CYP2C19: variants seen among roughly 807,000 people sequenced by gnomAD.
The protein encoded by CYP2C19 is cytochrome P450 family 2 subfamily C member 19.
A neutral mutation model predicts 40.9 loss-of-function variants in CYP2C19; 59 were observed. The observed-to-expected ratio is 1.44, with a 90% CI of 1.17 to 1.79. The LOEUF is 1.79. CYP2C19 is among the 40% of genes most tolerant of loss of function. The pLI is 0.00. For missense variants in CYP2C19, 754 were observed against 596.9 expected (o/e 1.26, Z -2.74); for synonymous variants, 253 against 208.7 (o/e 1.21, Z -1.83).
intron 5 of CYP2C19, among the ~76,000 whole-genome samples, chr10:94,798,189 C>T (rs1382063772): frequency 6.6e-6 from 1 of 151,910 alleles, no homozygotes; most frequent in Non-Finnish European, 1.5e-5. Context: ...TAGTATATTG[C>T]ATGTTTGTTC....
At chr10:94,817,397 A>C (rs1434054365) in intron 5 of CYP2C19, among the ~76,000 whole-genome samples, 1 of 145,564 alleles carries the variant, frequency 6.9e-6, no homozygotes, top group East Asian at 2.0e-4. Flanking sequence ...GTGTCTGTTC[A>C]TGTCCTTTGC....
At chr10:94,812,030 A>G (rs1336266655) in intron 5 of CYP2C19, among the ~76,000 whole-genome samples, 3 of 151,998 alleles carry the variant, frequency 2.0e-5, no homozygotes, top group African/African-American at 4.8e-5. Context: ...TCCTTTCCAT[A>G]TTTAGTGTTT....
chr10:94,830,643 A>T (rs1393813183), intron 6 of CYP2C19, among the ~76,000 whole-genome samples: 1 of 152,202 alleles, frequency 6.6e-6, no homozygotes, highest in Non-Finnish European at 1.5e-5. Flanking sequence ...GGAGCTGTAG[A>T]CCAGAGCTGT....
chr10:94,794,086 C>T (rs752319273), intron 5 of CYP2C19, among the ~76,000 whole-genome samples: 3 of 152,148 alleles, frequency 2.0e-5, no homozygotes, highest in Non-Finnish European at 2.9e-5. Context: ...AGCCTTGCTG[C>T]CACCTTGCAT....
chr10:94,766,941 AGATCTCCTGGTTG>A (rs1848253841), intron 1 of CYP2C19, among the ~76,000 whole-genome samples: 1 of 152,146 alleles, frequency 6.6e-6, no homozygotes, highest in Non-Finnish European at 1.5e-5. Flanking sequence ...GATCAACACT[AGATCTCCTGGTTG>A]AAACAACTCT....
rs374638680 is a variant in CYP2C19, at chr10:94,846,321, A to G, written c.1149+3297A>G. On this transcript the variant is annotated intron_variant, in intron 7 of 8. Coordinates refer to ENST00000371321, the MANE Select transcript of CYP2C19 (RefSeq NM_000769.4). ...TTCTAGATATTATATTCCAGTTATGACTTTGGCAAGAAAACTACATAGTAC... is the reference window on the plus strand; with the variant it reads ...TTCTAGATATTATATTCCAGTTATGGCTTTGGCAAGAAAACTACATAGTAC... Among the ~76,000 whole-genome samples the G allele has an allele frequency of 3.3e-5, 5 of 152,264 alleles. No individual in the cohort carries two copies. In the South Asian group the frequency reaches 1.0e-3, roughly 32 times the overall value.
At position 94,842,835 on chromosome 10, in the gene CYP2C19, A is replaced by T; in HGVS notation, c.962-2A>T. 1 of 1,614,104 alleles carries T rather than the reference A, an allele frequency of 6.2e-7. No homozygotes were observed. Among genetic ancestry groups the T allele is most frequent in the Non-Finnish European group, 8.5e-7 (1 of 1,179,988 alleles). ...CATCAGTTCTTACTTGTGTCTTGTC[A>T]GCTAAAGTCCAGGAAGAGATTGAAC... On this transcript the variant is annotated splice_acceptor_variant, in intron 6 of 8. Coordinates refer to ENST00000371321, the MANE Select transcript of CYP2C19 (RefSeq NM_000769.4). LOFTEE classifies it high-confidence loss of function.
At chr10:94,842,258 C>G (rs1314837069) in intron 6 of CYP2C19, among the ~76,000 whole-genome samples, 1 of 152,162 alleles carries the variant, frequency 6.6e-6, no homozygotes, top group Non-Finnish European at 1.5e-5. Flanking sequence ...TTTGTCTCTT[C>G]TTACAGTTTT....
chr10:94,764,092 A>T (rs75645081), intron 1 of CYP2C19, among the ~76,000 whole-genome samples: 1,851 of 152,186 alleles, frequency 0.012, 54 homozygotes, highest in African/African-American at 0.043. Context: ...GGTGAGTGTT[A>T]TAGCTCATAA....
intron 6 of CYP2C19, 55 bp from the exon 7 acceptor site, chr10:94,842,782 G>A (rs988873281): frequency 2.5e-6 from 4 of 1,581,026 alleles, no homozygotes; most frequent in South Asian, 1.1e-5. Flanking sequence ...TGAATTGCTA[G>A]AACAAATGTT....
chr10:94,780,787 G>A (rs1040874163), intron 4 of CYP2C19, 128 bp downstream of exon 4: 3 of 1,012,970 alleles, frequency 3.0e-6, no homozygotes, highest in African/African-American at 3.3e-5. Flanking sequence ...GACAGCCATG[G>A]GGTGAATATC....
intron 8 of CYP2C19, among the ~76,000 whole-genome samples, chr10:94,851,549 C>T (rs975642846): frequency 3.9e-5 from 6 of 152,000 alleles, no homozygotes; most frequent in African/African-American, 1.4e-4. Flanking sequence ...TCTGCCATAT[C>T]AAAATACCCA....
At chr10:94,849,354 A>G (rs1273760037) in intron 7 of CYP2C19, among the ~76,000 whole-genome samples, 1 of 151,766 alleles carries the variant, frequency 6.6e-6, no homozygotes, top group Non-Finnish European at 1.5e-5. Context: ...TCATCAGCAG[A>G]TTTTATTAAG....
chr10:94,772,907 G>A lies in CYP2C19; in HGVS notation c.169-2151G>A, dbSNP rs544353908. Among the ~76,000 whole-genome samples, 458 of 152,144 alleles carry A rather than the reference G, an allele frequency of 3.0e-3. 3 individuals carry two copies. Among genetic ancestry groups the A allele is most frequent in the African/African-American group, 0.01 (428 of 41,536 alleles). On this transcript the variant is annotated intron_variant, in intron 1 of 8. Coordinates refer to ENST00000371321, the MANE Select transcript of CYP2C19 (RefSeq NM_000769.4). ...TGCCATTCTCCTGCCTCAGCCTCCC[G>A]AGTAGCTGGGACTACAGGCGCCCGC...
chr10:94,770,605 A>T (rs971013295), intron 1 of CYP2C19, among the ~76,000 whole-genome samples: 5 of 152,100 alleles, frequency 3.3e-5, no homozygotes, highest in Admixed American at 2.0e-4. Flanking sequence ...TGATATCTGC[A>T]GCTGATTGGG....
chr10:94,779,756 C>A (rs1387310489), intron 3 of CYP2C19, among the ~76,000 whole-genome samples: 1 of 151,886 alleles, frequency 6.6e-6, no homozygotes, highest in East Asian at 1.9e-4. Context: ...AGATGGGGTT[C>A]ACCATGTTGG....
Position 94,832,489 on chromosome 10 carries a change from G to A in CYP2C19, c.962-10348G>A, listed in dbSNP as rs116741292. Among the ~76,000 whole-genome samples, 879 of 152,200 alleles carry A rather than the reference G, an allele frequency of 5.8e-3. 8 individuals carry two copies. Among genetic ancestry groups the A allele is most frequent in the African/African-American group, 0.02 (844 of 41,516 alleles). On this transcript the variant is annotated intron_variant, in intron 6 of 8. Coordinates refer to ENST00000371321, the MANE Select transcript of CYP2C19 (RefSeq NM_000769.4). Reference sequence around the variant, plus strand: ...ACATGGCCTTGTACTTGGGGTGTGGGGATTATTACAATTCAAGATGAGATT... The same window carrying A: ...ACATGGCCTTGTACTTGGGGTGTGGAGATTATTACAATTCAAGATGAGATT...
chr10:94,784,982 G>A (rs76208058), intron 5 of CYP2C19, among the ~76,000 whole-genome samples: 3,305 of 152,126 alleles, frequency 0.022, 116 homozygotes, highest in African/African-American at 0.074. Flanking sequence ...TTGGAGAAAT[G>A]TTATTCAAGT....
intron 6 of CYP2C19, among the ~76,000 whole-genome samples, chr10:94,842,534 T>C (rs377047150): frequency 6.4e-4 from 98 of 152,216 alleles, no homozygotes; most frequent in African/African-American, 2.3e-3. Context: ...CTTTTTGTTA[T>C]TTGTTTACTG....
Sources: gnomAD v4.1 joint callset for allele counts (sites outside exome capture counted in the v4.1 genomes callset) on GRCh38, gnomAD v4.1.1 for gene constraint, MANE v1.5 for transcripts, NCBI Gene and HGNC (gene_info 2026-07-23, HGNC 2026-07-21) for gene names.